The following NAALADL2 variants were observed in gnomAD, a reference collection of about 807,000 sequenced individuals.
The protein encoded by NAALADL2 is N-acetylated alpha-linked acidic dipeptidase like 2, also known as inactive N-acetylated-alpha-linked acidic dipeptidase-like protein 2.
Under a neutral mutation model 87.2 loss-of-function variants are expected in NAALADL2, and 76 were observed. That is an observed-to-expected ratio of 0.87 (90% CI 0.72 to 1.05). NAALADL2 has a LOEUF of 1.05. Among genes scored for constraint, NAALADL2 ranks in the 50% least tolerant of loss-of-function variants. The pLI is 0.00. For synonymous variants in NAALADL2, 354 were observed against 331.0 expected (o/e 1.07, Z -0.75); for missense variants, 1,089 against 945.8 (o/e 1.15, Z -1.99).
chr3:174,966,280 G>A (rs1742853616), intron 1 of NAALADL2, among the ~76,000 whole-genome samples: 1 of 152,052 alleles, frequency 6.6e-6, no homozygotes, highest in African/African-American at 2.4e-5. Context: ...GTCATAATAT[G>A]GCCATAGGCT....
intron 11 of NAALADL2, among the ~76,000 whole-genome samples, chr3:175,684,565 T>C (rs1257273523): frequency 6.6e-6 from 1 of 152,104 alleles, no homozygotes; most frequent in East Asian, 1.9e-4. Flanking sequence ...GAGGCTGAAC[T>C]GGAGGATCAC....
chr3:175,351,442 C>T (rs578231244), intron 5 of NAALADL2, among the ~76,000 whole-genome samples: 6 of 144,228 alleles, frequency 4.2e-5, no homozygotes, highest in African/African-American at 1.3e-4. Flanking sequence ...ACACAATCCA[C>T]GTCCAAACAA....
chr3:174,898,125 AAAAAAAAAAAAAAAAAAAG>A (rs1428127353), intron 1 of NAALADL2, among the ~76,000 whole-genome samples: 2 of 128,676 alleles, frequency 1.6e-5, no homozygotes, highest in Non-Finnish European at 3.1e-5. Context: ...AAAAAAAAAA[AAAAAAAAAAAAAAAAAAAG>A]AAAAAAAGAA....
rs537328750 is a variant in NAALADL2, at chr3:175,002,656, A to G, written c.44-94134A>G. Among the ~76,000 whole-genome samples, 6 of 152,350 alleles carry G rather than the reference A, an allele frequency of 3.9e-5. No homozygotes were observed. The South Asian group carries it at 8.3e-4, about 21-fold the overall frequency. On this transcript the variant is annotated intron_variant, in intron 1 of 13. Coordinates refer to ENST00000454872, the MANE Select transcript of NAALADL2 (RefSeq NM_207015.3). ...CATTACATATTTAAAGATTTGTTGT[A>G]ATAAAGAATCTCTGCTGATCATGAA...
intron 2 of NAALADL2, among the ~76,000 whole-genome samples, chr3:175,110,074 T>C (rs1723920684): frequency 6.6e-6 from 1 of 151,914 alleles, no homozygotes; most frequent in South Asian, 2.1e-4. Flanking sequence ...GATTGCCTCA[T>C]CGCTTTCAGT....
chr3:175,202,968 C>T (rs1384292470), intron 2 of NAALADL2, among the ~76,000 whole-genome samples: 1 of 152,010 alleles, frequency 6.6e-6, no homozygotes, highest in African/African-American at 2.4e-5. Flanking sequence ...ACCCACCTTC[C>T]CCCGCCCAAA....
chr3:174,685,138 C>G (rs1727911524), intron 2 of NAALADL2, among the ~76,000 whole-genome samples: 1 of 152,036 alleles, frequency 6.6e-6, no homozygotes, highest in Admixed American at 6.6e-5. Context: ...TCAGATCTCT[C>G]CCCAAAACTT....
At chr3:175,470,538 G>A (rs1289516982) in intron 8 of NAALADL2, among the ~76,000 whole-genome samples, 1 of 152,016 alleles carries the variant, frequency 6.6e-6, no homozygotes, top group East Asian at 1.9e-4. Context: ...TATCTATTTG[G>A]CAGGTGTATG....
At chr3:175,726,178 C>T (rs1561041609) in intron 11 of NAALADL2, among the ~76,000 whole-genome samples, 1 of 150,088 alleles carries the variant, frequency 6.7e-6, no homozygotes, top group Non-Finnish European at 1.5e-5. Flanking sequence ...CCGAATTAAT[C>T]TGTAAATATA....
At chr3:174,825,869 C>T (rs59003344) in intron 3 of NAALADL2, among the ~76,000 whole-genome samples, 40,830 of 151,476 alleles carry the variant, frequency 0.27, 6,261 homozygotes, top group African/African-American at 0.41. Flanking sequence ...CTACTAAAAA[C>T]ACAAAAAATT....
At chr3:175,142,535 C>A (rs751954842) in intron 2 of NAALADL2, among the ~76,000 whole-genome samples, 7 of 151,948 alleles carry the variant, frequency 4.6e-5, no homozygotes, top group African/African-American at 4.8e-5. Context: ...TCCTAAAGAG[C>A]AGGACTCAGA....
rs531017467 is a variant in NAALADL2 at position 175,062,009 on chromosome 3, A to G, written c.44-34781A>G. On this transcript the variant is annotated intron_variant, in intron 1 of 13. Coordinates refer to ENST00000454872, the MANE Select transcript of NAALADL2 (RefSeq NM_207015.3). The stretch of plus-strand genomic sequence containing the variant: ...AGGGAAGCCCAGAAGTTTCTTGGTA[A>G]GTTTAAGAAAGAAAAGGGGGAAAGG... 2.0e-5 allele frequency among the ~76,000 whole-genome samples: 3 copies of G among 152,252 alleles called. No homozygotes were observed. In the East Asian group the frequency reaches 5.8e-4, roughly 29 times the overall value.
At chr3:174,781,733 G>C (rs1462703994) in intron 3 of NAALADL2, among the ~76,000 whole-genome samples, 1 of 151,990 alleles carries the variant, frequency 6.6e-6, no homozygotes. Context: ...AATGTTTCAT[G>C]TGTTCAGGAG....
At chr3:174,668,318 C>T (rs1726170926) in intron 2 of NAALADL2, among the ~76,000 whole-genome samples, 1 of 152,114 alleles carries the variant, frequency 6.6e-6, no homozygotes, top group African/African-American at 2.4e-5. Flanking sequence ...TTGCCTTTCA[C>T]TCCCTTGATT....
intron 5 of NAALADL2, among the ~76,000 whole-genome samples, chr3:175,418,933 C>G (rs1334747281): frequency 6.6e-6 from 1 of 151,940 alleles, no homozygotes; most frequent in Admixed American, 6.6e-5. Flanking sequence ...CAACCACCAG[C>G]TTGTCTGTTG....
chr3:174,850,507 C>T (rs528822691), intron 3 of NAALADL2, among the ~76,000 whole-genome samples: 1 of 152,156 alleles, frequency 6.6e-6, no homozygotes, highest in African/African-American at 2.4e-5. Flanking sequence ...AAGACAAAAA[C>T]TGTAAAAAGA....
intron 1 of NAALADL2, among the ~76,000 whole-genome samples, chr3:174,511,661 A>G (rs1719605770): frequency 6.6e-6 from 1 of 150,764 alleles, no homozygotes; most frequent in African/African-American, 2.4e-5. Flanking sequence ...AATTATTTCT[A>G]TGTGTAGGCT....
intron 1 of NAALADL2, among the ~76,000 whole-genome samples, chr3:174,991,765 T>C (rs1246655057): frequency 6.6e-6 from 1 of 152,126 alleles, no homozygotes; most frequent in Non-Finnish European, 1.5e-5. Flanking sequence ...TCTTTACTAT[T>C]AGTATTATGT....
chr3:174,710,176 G>A (rs995567479), intron 2 of NAALADL2, among the ~76,000 whole-genome samples: 2 of 150,306 alleles, frequency 1.3e-5, no homozygotes, highest in African/African-American at 4.9e-5. Flanking sequence ...CAAATCAGTT[G>A]ACCTTAAAAT....
Sources: allele counts gnomAD v4.1 joint callset (sites outside exome capture counted in the v4.1 genomes callset), GRCh38; gene constraint gnomAD v4.1.1; transcripts MANE v1.5; gene names NCBI Gene and HGNC (gene_info 2026-07-23, HGNC 2026-07-21).